The following GRM7 variants were observed in gnomAD, a reference collection of about 807,000 sequenced individuals.
The protein encoded by GRM7 is glutamate metabotropic receptor 7, also known as metabotropic glutamate receptor 7.
A neutral mutation model predicts 84.5 loss-of-function variants in GRM7; 35 were observed. The observed-to-expected ratio is 0.41, with a 90% CI of 0.32 to 0.55. The LOEUF is 0.55. GRM7 is among the 20% of genes least tolerant of loss of function. GRM7 has a pLI of 0.19. For synonymous variants in GRM7, 487 were observed against 455.1 expected (o/e 1.07, Z -0.89); for missense variants, 1,003 against 1,194.6 (o/e 0.84, Z 2.36).
At chr3:7,049,639 A>G (rs1382852092) in intron 1 of GRM7, among the ~76,000 whole-genome samples, 1 of 151,966 alleles carries the variant, frequency 6.6e-6, no homozygotes, top group Non-Finnish European at 1.5e-5. Context: ...TTGTATCCTG[A>G]GAAAAGCGTT....
intron 5 of GRM7, among the ~76,000 whole-genome samples, chr3:7,439,005 C>T (rs954822894): frequency 5.9e-5 from 9 of 152,040 alleles, no homozygotes; most frequent in African/African-American, 2.2e-4. Context: ...GTCTATATCG[C>T]AGATACAAAG....
chr3:6,889,326 G>A (rs1215072074), intron 1 of GRM7, among the ~76,000 whole-genome samples: 1 of 152,150 alleles, frequency 6.6e-6, no homozygotes, highest in Non-Finnish European at 1.5e-5. Flanking sequence ...CAAAGGGAAT[G>A]CTTCCAGTTT....
chr3:7,224,050 G>A (rs946261189), intron 2 of GRM7, among the ~76,000 whole-genome samples: 3 of 152,124 alleles, frequency 2.0e-5, no homozygotes, highest in African/African-American at 7.2e-5. Flanking sequence ...AATCATCCTA[G>A]AGAAGCTATA....
chr3:7,536,520 G>C (rs1442108124), intron 7 of GRM7, among the ~76,000 whole-genome samples: 1 of 152,194 alleles, frequency 6.6e-6, no homozygotes, highest in Non-Finnish European at 1.5e-5. Context: ...TGTGTAATCT[G>C]TTCCCCTAAT....
intron 1 of GRM7, among the ~76,000 whole-genome samples, chr3:6,882,054 T>G (rs1695533655): frequency 6.6e-6 from 1 of 152,134 alleles, no homozygotes; most frequent in African/African-American, 2.4e-5. Flanking sequence ...GATTACTGTT[T>G]TCCTTCATCC....
intron 1 of GRM7, among the ~76,000 whole-genome samples, chr3:7,103,085 CTG>C (rs551614364): frequency 7.9e-5 from 12 of 151,814 alleles, no homozygotes; most frequent in Non-Finnish European, 1.6e-4. Flanking sequence ...GATAATGTAA[CTG>C]TTTTTATCTT....
At chr3:7,314,424 T>C (rs1700510759) in intron 4 of GRM7, among the ~76,000 whole-genome samples, 1 of 152,152 alleles carries the variant, frequency 6.6e-6, no homozygotes, top group African/African-American at 2.4e-5. Context: ...AAGATAACAT[T>C]CATCCAGTTT....
At chr3:7,583,405 C>T (rs991700504) in intron 8 of GRM7, among the ~76,000 whole-genome samples, 6 of 152,194 alleles carry the variant, frequency 3.9e-5, no homozygotes, top group Admixed American at 1.3e-4. Flanking sequence ...TCTCCATCCA[C>T]GCCCAAGGCA....
chr3:7,173,498 G>A (rs924146884), intron 2 of GRM7, among the ~76,000 whole-genome samples: 2 of 152,124 alleles, frequency 1.3e-5, no homozygotes, highest in East Asian at 1.9e-4. Flanking sequence ...CACTGGATGA[G>A]GAACAATATC....
intron 1 of GRM7, among the ~76,000 whole-genome samples, chr3:6,885,066 AG>A (rs1308269902): frequency 6.6e-6 from 1 of 152,184 alleles, no homozygotes; most frequent in Non-Finnish European, 1.5e-5. Flanking sequence ...AATAAGTCTG[AG>A]CAGATGAGAA....
intron 2 of GRM7, among the ~76,000 whole-genome samples, chr3:7,206,000 C>G (rs926420248): frequency 6.6e-6 from 1 of 152,140 alleles, no homozygotes; most frequent in African/African-American, 2.4e-5. Context: ...GACATTGTAT[C>G]AATACTCTGG....
intron 1 of GRM7, among the ~76,000 whole-genome samples, chr3:7,073,092 CTTTTTAT>C (rs1697944715): frequency 6.6e-6 from 1 of 151,950 alleles, no homozygotes; most frequent in African/African-American, 2.4e-5. Context: ...TTCAGAAAAT[CTTTTTAT>C]TTTTTATGTT....
intron 9 of GRM7, among the ~76,000 whole-genome samples, chr3:7,722,501 G>A (rs1010324576): frequency 2.7e-5 from 4 of 149,424 alleles, no homozygotes; most frequent in Non-Finnish European, 4.4e-5. Flanking sequence ...CTGAAGTGCA[G>A]TGGCGATCTC....
At chr3:6,985,799 G>A in intron 1 of GRM7, among the ~76,000 whole-genome samples, 1 of 152,290 alleles carries the variant, frequency 6.6e-6, no homozygotes, top group African/African-American at 2.4e-5. Flanking sequence ...AAATGAGCTT[G>A]ACTGTAAAGG....
intron 1 of GRM7, among the ~76,000 whole-genome samples, chr3:7,131,238 T>C (rs1693588482): frequency 6.6e-6 from 1 of 151,960 alleles, no homozygotes; most frequent in African/African-American, 2.4e-5. Flanking sequence ...CAGCAGGGAG[T>C]GACCTGCTTC....
intron 8 of GRM7, among the ~76,000 whole-genome samples, chr3:7,667,960 T>C (rs936545286): frequency 6.6e-6 from 1 of 152,052 alleles, no homozygotes; most frequent in Non-Finnish European, 1.5e-5. Context: ...GGTGCTAACC[T>C]GGGTGTTAGC....
chr3:7,577,482 C>T (rs911886849), intron 7 of GRM7, among the ~76,000 whole-genome samples: 4 of 152,064 alleles, frequency 2.6e-5, no homozygotes, highest in South Asian at 4.2e-4. Context: ...GAACTGATAC[C>T]GGGGAAGAGA....
chr3:7,267,603 T>C (rs1698691855), intron 2 of GRM7, among the ~76,000 whole-genome samples: 1 of 152,066 alleles, frequency 6.6e-6, no homozygotes, highest in Non-Finnish European at 1.5e-5. Context: ...CTGAGATGAG[T>C]ATAACCAGGG....
At chr3:7,715,061 C>T (rs1216573929) in intron 9 of GRM7, among the ~76,000 whole-genome samples, 2 of 152,088 alleles carry the variant, frequency 1.3e-5, no homozygotes, top group East Asian at 3.9e-4. Context: ...GATAAATAGC[C>T]GATTCTTCTC....
Sources: gnomAD v4.1 joint callset for allele counts (sites outside exome capture counted in the v4.1 genomes callset) on GRCh38, gnomAD v4.1.1 for gene constraint, MANE v1.5 for transcripts, NCBI Gene and HGNC (gene_info 2026-07-23, HGNC 2026-07-21) for gene names.